The following NRG1 variants were observed in gnomAD, a reference collection of about 807,000 sequenced individuals.
NRG1 encodes pro-neuregulin-1, membrane-bound isoform.
A neutral mutation model predicts 63.8 loss-of-function variants in NRG1; 18 were observed. That is an observed-to-expected ratio of 0.28 (90% confidence interval 0.19 to 0.42). The LOEUF is 0.42. Ranked by LOEUF, NRG1 falls within the 10% of genes least tolerant of loss-of-function variation. The pLI is 1.00. For missense variants in NRG1, 762 were observed against 814.7 expected (o/e 0.94, Z 0.79); for synonymous variants, 302 against 301.3 (o/e 1.00, Z -0.02).
At chr8:32,633,297 C>T (rs547512894) in intron 5 of NRG1, among the ~76,000 whole-genome samples, 116 of 152,272 alleles carry the variant, frequency 7.6e-4, no homozygotes, top group Non-Finnish European at 1.3e-3. Context: ...TAAATTACTA[C>T]GACAGCCTAG....
At chr8:32,738,554 T>G (rs10216730) in intron 6 of NRG1, among the ~76,000 whole-genome samples, 27,562 of 152,106 alleles carry the variant, frequency 0.18, 3,018 homozygotes, top group East Asian at 0.37. Flanking sequence ...AAAGCTTATT[T>G]TTCAAACTCA....
At chr8:32,112,231 C>T (rs2131459893) in intron 1 of NRG1, among the ~76,000 whole-genome samples, 1 of 152,256 alleles carries the variant, frequency 6.6e-6, no homozygotes, top group African/African-American at 2.4e-5. Flanking sequence ...ATTAATATTT[C>T]CTCTGAGATG....
chr8:32,167,863 C>T (rs1036180917), intron 1 of NRG1, among the ~76,000 whole-genome samples: 1 of 152,192 alleles, frequency 6.6e-6, no homozygotes, highest in Non-Finnish European at 1.5e-5. Context: ...TCATTGGAGC[C>T]TCCACCTTGC....
At chr8:32,506,724 G>T (rs928678863) in intron 1 of NRG1, among the ~76,000 whole-genome samples, 3 of 151,746 alleles carry the variant, frequency 2.0e-5, no homozygotes, top group African/African-American at 7.3e-5. Context: ...TATGTGGGGG[G>T]ATCTTTTTGA....
chr8:32,138,085 G>T lies in NRG1; in HGVS notation c.38-457743G>T, dbSNP rs77915728. ...TGTTGGAGAAGAGAGGAAGAGTAGA[G>T]AACCCCTTTAAAGCCCTCTTACTGC... On this transcript the variant is annotated intron_variant, in intron 1 of 10. Coordinates refer to the NRG1 transcript ENST00000519301. 2.2e-3 allele frequency among the ~76,000 whole-genome samples: 328 copies of T among 152,146 alleles called. 1 individual carries two copies. Among genetic ancestry groups the T allele is most frequent in the African/African-American group, 7.8e-3 (324 of 41,520 alleles).
rs1230991232 is a variant in NRG1, at chr8:31,658,046, C to T, written c.37+18615C>T. Among the ~76,000 whole-genome samples, 6 of 152,160 alleles carry T rather than the reference C, an allele frequency of 3.9e-5. No individual in the cohort carries two copies. In the East Asian group the frequency reaches 1.2e-3, roughly 29 times the overall value. On this transcript the variant is annotated intron_variant, in intron 1 of 10. Transcript: ENST00000519301. ...GTAGATGAGTGGGGAGGACTGCATA[C>T]ATTTTGAGAGTAGTAAAATCAGATC...
chr8:32,221,664 A>G (rs1845826968), intron 1 of NRG1, among the ~76,000 whole-genome samples: 1 of 152,182 alleles, frequency 6.6e-6, no homozygotes, highest in South Asian at 2.1e-4. Context: ...TTCTCTGAAA[A>G]AGAGGGTGTG....
At chr8:31,728,666 C>T (rs889520880) in intron 1 of NRG1, among the ~76,000 whole-genome samples, 3 of 152,114 alleles carry the variant, frequency 2.0e-5, no homozygotes, top group Admixed American at 2.0e-4. Context: ...ATAGCTCACA[C>T]AATTCAATTT....
chr8:32,073,717 T>C (rs1826091943), intron 1 of NRG1, among the ~76,000 whole-genome samples: 1 of 152,210 alleles, frequency 6.6e-6, no homozygotes, highest in Non-Finnish European at 1.5e-5. Context: ...AAATGTCACA[T>C]GTTCGTTGAA....
At chr8:32,241,561 G>A (rs968958438) in intron 1 of NRG1, among the ~76,000 whole-genome samples, 1 of 152,148 alleles carries the variant, frequency 6.6e-6, no homozygotes, top group Non-Finnish European at 1.5e-5. Context: ...GCGTGCAATA[G>A]AGTAGTCAAA....
chr8:32,481,232 T>G (rs1174362639), intron 1 of NRG1, among the ~76,000 whole-genome samples: 1 of 151,768 alleles, frequency 6.6e-6, no homozygotes, highest in African/African-American at 2.4e-5. Context: ...TAGTCCCAGC[T>G]ACTCAAGAGG....
At chr8:31,875,888 C>T (rs1829874891) in intron 1 of NRG1, among the ~76,000 whole-genome samples, 1 of 152,106 alleles carries the variant, frequency 6.6e-6, no homozygotes, top group Non-Finnish European at 1.5e-5. Context: ...AAAAAAGTTG[C>T]TGTGTTTCCG....
intron 1 of NRG1, among the ~76,000 whole-genome samples, chr8:32,087,208 C>T (rs1393857570): frequency 2.6e-5 from 4 of 152,038 alleles, no homozygotes; most frequent in African/African-American, 7.2e-5. Flanking sequence ...GAGATTGGAT[C>T]GTGGGGGCAG....
chr8:32,652,124 A>G (rs1348894619), intron 5 of NRG1, among the ~76,000 whole-genome samples: 2 of 152,152 alleles, frequency 1.3e-5, no homozygotes, highest in Non-Finnish European at 2.9e-5. Flanking sequence ...GTTTTCTTCT[A>G]TCATCGTATC....
chr8:32,299,220 A>G (rs372504938), intron 1 of NRG1, among the ~76,000 whole-genome samples: 1 of 152,088 alleles, frequency 6.6e-6, no homozygotes, highest in Admixed American at 6.6e-5. Flanking sequence ...TATGTTTTCT[A>G]GATAAATAGT....
At chr8:32,370,871 A>AG (rs1808742293) in intron 1 of NRG1, among the ~76,000 whole-genome samples, 1 of 150,180 alleles carries the variant, frequency 6.7e-6, no homozygotes, top group East Asian at 1.9e-4. Context: ...AAAAAAAAAA[A>AG]AAAAAAAAAA....
chr8:31,683,582 C>A (rs117924852), intron 1 of NRG1, among the ~76,000 whole-genome samples: 2 of 152,008 alleles, frequency 1.3e-5, no homozygotes, highest in Non-Finnish European at 2.9e-5. Flanking sequence ...ATCTTCAGGG[C>A]GGTGAAACTA....
intron 1 of NRG1, among the ~76,000 whole-genome samples, chr8:32,413,342 T>A (rs1294313509): frequency 1.6e-4 from 24 of 152,312 alleles, no homozygotes; most frequent in African/African-American, 5.1e-4. Flanking sequence ...GCTATATAGA[T>A]GAGAGTAAAA....
Position 31,934,420 on chromosome 8 carries a change from C to CTCTTT in NRG1, c.37+294990_37+294991insCTTTT, listed in dbSNP as rs780496777. On this transcript the variant is annotated intron_variant, in intron 1 of 10. Transcript: ENST00000519301. ...ATACACACACCCCTTTATTCGCTCTCTTTTTTTTTTTTTTTTTTTTTTTAG... is the reference window on the plus strand; with the variant it reads ...ATACACACACCCCTTTATTCGCTCTCTCTTTTTTTTTTTTTTTTTTTTTTTTTTAG... 1.7e-3 allele frequency among the ~76,000 whole-genome samples: 183 copies of CTCTTT among 108,090 alleles called. 2 individuals are homozygous for CTCTTT. Among genetic ancestry groups the CTCTTT allele is most frequent in the Non-Finnish European group, 2.2e-3 (124 of 55,394 alleles). The allele number at this position is 108,090 out of a possible 152,430, so 70.9% of individuals were successfully genotyped here.
Sources: allele counts gnomAD v4.1 joint callset (sites outside exome capture counted in the v4.1 genomes callset), GRCh38; gene constraint gnomAD v4.1.1; transcripts MANE v1.5; gene names NCBI Gene and HGNC (gene_info 2026-07-23, HGNC 2026-07-21).